The following PCDH11X variants were observed in gnomAD, a reference collection of about 807,000 sequenced individuals.
PCDH11X encodes the protein protocadherin 11 X-linked, also known as protocadherin-11 X-linked.
In PCDH11X, 18 loss-of-function variants were observed where a neutral mutation model predicts 53.3. That is an observed-to-expected ratio of 0.34 (90% CI 0.23 to 0.50). The LOEUF (loss-of-function observed/expected upper bound fraction) is 0.50, where lower values mean the gene tolerates loss of function less well. PCDH11X is among the 20% of genes least tolerant of loss of function. PCDH11X has a pLI of 0.98. For synonymous variants in PCDH11X, 279 were observed against 393.3 expected (o/e 0.71, Z 3.44); for missense variants, 570 against 1,032.4 (o/e 0.55, Z 6.14).
intron 4 of PCDH11X, among the ~76,000 whole-genome samples, chrX:91,815,217 G>A (rs967583414): frequency 9.0e-6 from 1 of 111,701 alleles, no homozygotes; most frequent in African/African-American, 3.2e-5. Flanking sequence ...TTAATGCCAG[G>A]ATAGTTTATA....
chrX:92,218,988 A>G (rs2066793582), intron 7 of PCDH11X, among the ~76,000 whole-genome samples: 1 of 111,780 alleles, frequency 8.9e-6, no homozygotes, highest in Admixed American at 9.5e-5. Context: ...CTTTGACAAA[A>G]TTCAACAACA....
chrX:92,242,235 A>G (rs2067274662), intron 7 of PCDH11X, among the ~76,000 whole-genome samples: 1 of 111,266 alleles, frequency 9.0e-6, no homozygotes, highest in African/African-American at 3.3e-5. Context: ...CTCAATTTTT[A>G]TAATTTTGGG....
At chrX:92,167,057 C>G (rs4021812) in intron 6 of PCDH11X, among the ~76,000 whole-genome samples, 41,155 of 108,008 alleles carry the variant, frequency 0.38, 6,287 homozygotes, top group East Asian at 0.65. Flanking sequence ...TAATTTAAAC[C>G]TGCACCTGCA....
intron 6 of PCDH11X, among the ~76,000 whole-genome samples, chrX:92,017,586 A>G (rs2062816795): frequency 9.4e-6 from 1 of 105,897 alleles, no homozygotes; most frequent in East Asian, 3.0e-4. Flanking sequence ...AATCCCAGCT[A>G]CTTGGGAGGC....
chrX:92,196,187 A>T (rs1237109986), intron 6 of PCDH11X, among the ~76,000 whole-genome samples: 4 of 111,918 alleles, frequency 3.6e-5, no homozygotes, highest in African/African-American at 1.3e-4. Flanking sequence ...TATTTTATCC[A>T]ACCTTTCTCC....
intron 10 of PCDH11X, among the ~76,000 whole-genome samples, chrX:92,514,688 C>T (rs1373042619): frequency 1.9e-5 from 2 of 106,434 alleles, no homozygotes; most frequent in Non-Finnish European, 3.9e-5. Context: ...CCAAGATCTC[C>T]CCACTGCACT....
rs187766395 is a variant in PCDH11X at position 92,121,757 on chromosome X, C to T, written c.3034-79618C>T. ...TTATTTATTTTTTGAGATGGAGTCT[C>T]TCTCTGTTGCCAGGCTGGAGTACAG... is the stretch of plus-strand genomic sequence containing the variant. On this transcript the variant is annotated intron_variant, in intron 6 of 10. Transcript: ENST00000682573. Among the ~76,000 whole-genome samples the T allele has an allele frequency of 4.6e-5, 5 of 109,889 alleles. No homozygotes were observed. In the East Asian group the frequency reaches 1.2e-3, roughly 25 times the overall value.
intron 8 of PCDH11X, among the ~76,000 whole-genome samples, chrX:92,350,068 C>CACA (rs2070004994): frequency 9.0e-6 from 1 of 110,995 alleles, no homozygotes. Flanking sequence ...TCAACATATA[C>CACA]ACTGAAGTTG....
intron 6 of PCDH11X, among the ~76,000 whole-genome samples, chrX:91,897,108 C>A (rs180905068): frequency 9.7e-6 from 1 of 103,573 alleles, no homozygotes; most frequent in African/African-American, 3.9e-5. Flanking sequence ...ATGAACACAT[C>A]AGTTGGGAAA....
At chrX:92,084,314 G>A (rs937509998) in intron 6 of PCDH11X, among the ~76,000 whole-genome samples, 1 of 109,809 alleles carries the variant, frequency 9.1e-6, no homozygotes, top group African/African-American at 3.3e-5. Context: ...TTGGGAGGCC[G>A]AGAAGGATGA....
intron 6 of PCDH11X, among the ~76,000 whole-genome samples, chrX:92,198,904 T>C (rs2066343888): frequency 9.0e-6 from 1 of 111,661 alleles, no homozygotes; most frequent in African/African-American, 3.2e-5. Context: ...TCTTCATCAA[T>C]GCTTCTTATG....
At chrX:91,905,340 G>A (rs2524581) in intron 6 of PCDH11X, among the ~76,000 whole-genome samples, 12 of 109,582 alleles carry the variant, frequency 1.1e-4, no homozygotes, top group Admixed American at 3.0e-4. Flanking sequence ...ATATTCCCTC[G>A]GCTGAAAGAA....
chrX:92,218,911 T>C (rs1410185649), intron 7 of PCDH11X, among the ~76,000 whole-genome samples: 1 of 111,725 alleles, frequency 9.0e-6, no homozygotes, highest in Non-Finnish European at 1.9e-5. Context: ...TCAGTAAATG[T>C]AATCCAGCAT....
At chrX:92,157,991 GA>G (rs2065570174) in intron 6 of PCDH11X, among the ~76,000 whole-genome samples, 1 of 111,060 alleles carries the variant, frequency 9.0e-6, no homozygotes, top group South Asian at 3.8e-4. Context: ...GAGGTGGGTG[GA>G]TCACCTGAGT....
chrX:92,388,718 C>A (rs1603297688), intron 9 of PCDH11X, among the ~76,000 whole-genome samples: 1 of 108,005 alleles, frequency 9.3e-6, no homozygotes, highest in African/African-American at 3.4e-5. Flanking sequence ...TATGTAGATA[C>A]AAAAAAGCAT....
chrX:92,180,113 T>TA (rs1233547519), intron 6 of PCDH11X, among the ~76,000 whole-genome samples: 1 of 112,078 alleles, frequency 8.9e-6, no homozygotes, highest in African/African-American at 3.2e-5. Context: ...TCAGGAAACT[T>TA]ACAATCATGG....
intron 7 of PCDH11X, among the ~76,000 whole-genome samples, chrX:92,224,883 A>G (rs911288777): frequency 8.9e-6 from 1 of 112,206 alleles, no homozygotes; most frequent in African/African-American, 3.2e-5. Context: ...TGCTCCATCT[A>G]AAGTGATTAT....
At chrX:92,540,528 G>A (rs1161248345) in intron 10 of PCDH11X, among the ~76,000 whole-genome samples, 1 of 104,480 alleles carries the variant, frequency 9.6e-6, no homozygotes, top group African/African-American at 3.5e-5. Flanking sequence ...TTGACACCAA[G>A]AGCCTGCTTG....
At position 92,241,673 on chromosome X, in the gene PCDH11X, C is replaced by T. The variant is rs758602046; in HGVS notation, c.3115-21441C>T. On this transcript the variant is annotated intron_variant, in intron 7 of 10. Transcript: ENST00000682573. Reference sequence around the variant, plus strand: ...TCTGTCACAGCAGAAACAATGATTACAGCCAATATATTATGCCTCAGACAT... The same window carrying T: ...TCTGTCACAGCAGAAACAATGATTATAGCCAATATATTATGCCTCAGACAT... Among the ~76,000 whole-genome samples the T allele has an allele frequency of 1.4e-4, 16 of 112,025 alleles. No homozygotes were observed. The South Asian group carries it at 5.9e-3, about 41-fold the overall frequency.
Sources: gnomAD v4.1 joint callset for allele counts (sites outside exome capture counted in the v4.1 genomes callset) on GRCh38, gnomAD v4.1.1 for gene constraint, MANE v1.5 for transcripts, NCBI Gene and HGNC (gene_info 2026-07-23, HGNC 2026-07-21) for gene names.